Variants in DLX4 observed in about 807,000 individuals in gnomAD.
DLX4 encodes the protein distal-less homeobox 4.
A neutral mutation model predicts 17.1 loss-of-function variants in DLX4; 13 were observed. The observed-to-expected ratio is 0.76, with a 90% confidence interval of 0.49 to 1.21. The LOEUF is 1.21. DLX4 is among the 50% of genes most tolerant of loss of function. DLX4 has a pLI of 0.00. For missense variants in DLX4, 297 were observed against 301.4 expected (o/e 0.99, Z 0.11); for synonymous variants, 129 against 140.3 (o/e 0.92, Z 0.57).
Position 49,969,640 on chromosome 17 carries a change from C to A in DLX4, c.172C>A (p.Pro58Thr), listed in dbSNP as rs1399847880. The A allele has an allele frequency of 1.2e-6, 2 of 1,612,178 alleles. No individual in the cohort carries two copies. The highest frequency in any genetic ancestry group is 1.7e-6 in the Non-Finnish European group (2 of 1,179,996). ...SRPYGHLLSY[P>T]YTEPANPGDS... ...GCCGTATGGCCACCTCCTGTCTTAC[C>A]CCTACACCGAGCCAGCGAACCCCGG... is the stretch of plus-strand genomic sequence containing the variant. Residue 58 changes from proline to threonine, a missense_variant, in exon 1 of 3, where the codon CCC becomes ACC. Transcript: ENST00000240306.
intron 2 of DLX4, 185 bp downstream of exon 2, chr17:49,973,454 A>T: frequency 9.3e-7 from 1 of 1,076,694 alleles, no homozygotes; most frequent in Non-Finnish European, 1.3e-6. Flanking sequence ...GTGTGCATGT[A>T]TGTGCGGGTG....
chr17:49,974,082 A>G lies in DLX4; in HGVS notation c.*139A>G, dbSNP rs547446297. The G allele has an allele frequency of 2.7e-5, 32 of 1,199,022 alleles. No individual in the cohort carries two copies. The highest frequency in any genetic ancestry group is 3.3e-5 in the Admixed American group (1 of 30,290). 74.3% of individuals were successfully genotyped at this position (1,199,022 alleles called of 1,614,324 possible). ...GGAGGACAAGCAGTTAGAGGAGAAA[A>G]AGGAATGGAGCAGAGCCTGTACCCC... On this transcript the variant is annotated 3_prime_UTR_variant, in exon 3 of 3. Transcript: ENST00000240306.
intron 1 of DLX4, 22 bp from the exon 2 acceptor site, chr17:49,973,051 A>C (rs1905573895): frequency 1.2e-6 from 2 of 1,613,218 alleles, no homozygotes; most frequent in Admixed American, 1.7e-5. Context: ...CGCCCCCTAC[A>C]CCGTGTTGTG....
rs200991862 is a variant in DLX4 at position 49,969,500 on chromosome 17, G to C, written c.32G>C (p.Arg11Pro). 6.2e-7 allele frequency: 1 copy of C among 1,604,050 alleles called. No individual in the cohort carries two copies. Among genetic ancestry groups the C allele is most frequent in the African/African-American group, 1.3e-5 (1 of 74,816 alleles). Reference sequence around the variant, plus strand: ...TCTTTGCCCTGCCCCCTCCCCGGCCGGGACGCCTCCAAAGCTGTCTTCCCA... The same window carrying C: ...TCTTTGCCCTGCCCCCTCCCCGGCCCGGACGCCTCCAAAGCTGTCTTCCCA... MTSLPCPLPG[R>P]DASKAVFPDL... Residue 11 changes from arginine to proline, a missense_variant, in exon 1 of 3, where the codon CGG becomes CCG. Physicochemically the swap from Arg to Pro is moderately radical, Grantham distance 103. Transcript: ENST00000240306.
In DLX4 at chr17:49,969,806, C is replaced by T. The variant is rs1489819645; in HGVS notation, c.283+55C>T. On this transcript the variant is annotated intron_variant, in intron 1 of 2. Coordinates refer to ENST00000240306, the MANE Select transcript of DLX4 (RefSeq NM_138281.3). ...CTCTGGGGTTCGGCTCCTGTGCGCC[C>T]CTAAACTTCTCCCTCGCCTGGTTGG... 5 of 1,463,492 alleles carry T rather than the reference C, an allele frequency of 3.4e-6. No individual in the cohort carries two copies. The Admixed American group carries it at 1.1e-4, about 33-fold the overall frequency. The allele number at this position is 1,463,492 out of a possible 1,614,324, so 90.7% of individuals were successfully genotyped here. A position where few individuals can be genotyped will look rare whatever the true frequency, so the allele number is the denominator to read the frequency against.
At chr17:49,968,633 C>G (rs1276960157), upstream of DLX4, among the ~76,000 whole-genome samples, 1 of 152,042 alleles carries the variant, frequency 6.6e-6, no homozygotes, top group African/African-American at 2.4e-5. Flanking sequence ...GCGTGCCAGG[C>G]CCAGGGCGCC....
chr17:49,972,862 G>T lies in DLX4; in HGVS notation c.284-211G>T. Reference sequence around the variant, plus strand: ...GGGAGCTCCCTGGGAGCAGAACTGCGTCTTGTATCACCTGGCGCGGTGAAC... The same window carrying T: ...GGGAGCTCCCTGGGAGCAGAACTGCTTCTTGTATCACCTGGCGCGGTGAAC... On this transcript the variant is annotated intron_variant, in intron 1 of 2. Coordinates refer to ENST00000240306, the MANE Select transcript of DLX4 (RefSeq NM_138281.3). This position sits in a 1 kb window ranked among gnomAD's most constrained non-coding sequence, Gnocchi z 5.4. 1.4e-6 allele frequency: 2 copies of T among 1,443,508 alleles called. No individual in the cohort carries two copies. Among genetic ancestry groups the T allele is most frequent in the Non-Finnish European group, 1.8e-6 (2 of 1,095,618 alleles). 89.4% of individuals were successfully genotyped at this position (1,443,508 alleles called of 1,614,324 possible).
rs1249817942 is a variant in DLX4, at chr17:49,969,743, T to C, written c.275T>C (p.Leu92Pro). Residue 92 changes from leucine (L) to proline (P), a missense_variant, in exon 1 of 3, where the codon CTC becomes CCC. Transcript: ENST00000240306. ...GGACCTGCAGAGCACCCTCAGGAAC[T>C]CGAGGCAGGTAAGTTCGGCCGTGGA... ...LCGPAEHPQE[L>P]EADSEKPRLS... 1 of 1,593,782 alleles carries C rather than the reference T, an allele frequency of 6.3e-7. No homozygotes were observed. Among genetic ancestry groups the C allele is most frequent in the Non-Finnish European group, 8.5e-7 (1 of 1,176,492 alleles).
intron 1 of DLX4, 65 bp downstream of exon 1, chr17:49,969,816 T>C: frequency 8.4e-7 from 1 of 1,195,200 alleles, no homozygotes; most frequent in Non-Finnish European, 1.1e-6. Flanking sequence ...CCTAAACTTC[T>C]CCCTCGCCTG....
At position 49,972,708 on chromosome 17, in the gene DLX4, T is replaced by G; in HGVS notation, c.284-365T>G. The G allele has an allele frequency of 7.4e-7, 1 of 1,345,484 alleles. No individual in the cohort carries two copies. The highest frequency in any genetic ancestry group is 9.5e-7 in the Non-Finnish European group (1 of 1,052,272). The allele number at this position is 1,345,484 out of a possible 1,614,324, so 83.3% of individuals were successfully genotyped here. On this transcript the variant is annotated intron_variant, in intron 1 of 2. Transcript: ENST00000240306. The surrounding 1 kb of genome is among the most constrained non-coding windows in gnomAD (Gnocchi z 5.4). Reference sequence around the variant, plus strand: ...TCGGCTCAGCCCTGGACCTAGCCTTTCTGCCCCGCCCTACCCCAAGCTGGC... The same window carrying G: ...TCGGCTCAGCCCTGGACCTAGCCTTGCTGCCCCGCCCTACCCCAAGCTGGC...
Position 49,969,692 on chromosome 17 carries a change from C to G in DLX4, c.224C>G (p.Pro75Arg), listed in dbSNP as rs1363140696. ...GACTCCTACCTGTCCTGCCAGCAAC[C>G]CGCGGCGCTCTCTCAGCCCCTCTGC... ...PGDSYLSCQQPAALSQPLCGP... is the reference protein window; with the variant it reads ...PGDSYLSCQQRAALSQPLCGP... The change falls in exon 1 of 3, where the codon CCC becomes CGC. Residue 75 changes from proline (P) to arginine (R), a missense_variant. Transcript: ENST00000240306. 12 of 1,604,370 alleles carry G rather than the reference C, an allele frequency of 7.5e-6. No homozygotes were observed. Among genetic ancestry groups the G allele is most frequent in the Middle Eastern group, 1.7e-4 (1 of 6,060 alleles).
intron 1 of DLX4, 71 bp downstream of exon 1, chr17:49,969,822 G>C: frequency 1.6e-6 from 2 of 1,282,072 alleles, no homozygotes; most frequent in Admixed American, 5.8e-5. Context: ...CTTCTCCCTC[G>C]CCTGGTTGGA....
rs139954414 is a variant in DLX4 at position 49,973,776 on chromosome 17, G to A, written c.556G>A (p.Asp186Asn). 1.3e-6 allele frequency: 2 copies of A among 1,572,506 alleles called. No individual in the cohort carries two copies. The highest frequency in any genetic ancestry group is 3.7e-5 in the Admixed American group (2 of 53,768). The change falls in exon 3 of 3, where the codon GAC (aspartate) becomes AAC (asparagine). Residue 186 changes from aspartate (D) to asparagine (N), a missense_variant. Physicochemically the swap from Asp to Asn is conservative, Grantham distance 23. Coordinates refer to ENST00000240306, the MANE Select transcript of DLX4 (RefSeq NM_138281.3). The stretch of plus-strand genomic sequence containing the variant: ...GCAGAATTCTGGGGGGCAGGAAGGG[G>A]ACTTCCCTGGGAGGACCTTCTCTGT... ...LKQNSGGQEGDFPGRTFSVSP... is the reference protein window; with the variant it reads ...LKQNSGGQEGNFPGRTFSVSP...
chr17:49,970,143 C>A (rs959502472), intron 1 of DLX4, among the ~76,000 whole-genome samples: 23 of 152,158 alleles, frequency 1.5e-4, no homozygotes, highest in Non-Finnish European at 1.5e-5. Flanking sequence ...TCCCTTCCTG[C>A]CCCATTGTCG....
In DLX4 at chr17:49,973,921, T is replaced by C. The variant is rs754823919; in HGVS notation, c.701T>C (p.Leu234Pro). The C allele has an allele frequency of 1.2e-6, 2 of 1,606,230 alleles. No individual in the cohort carries two copies. The highest frequency in any genetic ancestry group is 1.7e-6 in the Non-Finnish European group (2 of 1,176,076). ...TATCAGCATCACTCCTCAGATGTCC[T>C]GGCTTCGCCTCAGATGATGTGAATC... The part of the protein sequence containing the change: ...AWYQHHSSDV[L>P]ASPQMM Residue 234 changes from leucine (L) to proline (P), a missense_variant, in exon 3 of 3, where the codon CTG (leucine) becomes CCG (proline). Coordinates refer to ENST00000240306, the MANE Select transcript of DLX4 (RefSeq NM_138281.3).
rs1255754183 is a variant in DLX4 at position 49,972,757 on chromosome 17, G to C, written c.284-316G>C. 2 of 1,378,260 alleles carry C rather than the reference G, an allele frequency of 1.5e-6. No individual in the cohort carries two copies. The highest frequency in any genetic ancestry group is 1.5e-5 in the African/African-American group (1 of 68,080). 85.4% of individuals were successfully genotyped at this position (1,378,260 alleles called of 1,614,324 possible). A position where few individuals can be genotyped will look rare whatever the true frequency, so the allele number is the denominator to read the frequency against. Reference sequence around the variant, plus strand: ...GCGCCACCGCCCGTGGCTGAACTCCGACCTCCCACCGCAGGCGCCGCGGTA... The same window carrying C: ...GCGCCACCGCCCGTGGCTGAACTCCCACCTCCCACCGCAGGCGCCGCGGTA... On this transcript the variant is annotated intron_variant, in intron 1 of 2. Transcript: ENST00000240306. This position sits in a 1 kb window ranked among gnomAD's most constrained non-coding sequence, Gnocchi z 5.4.
Position 49,973,789 on chromosome 17 carries a change from G to A in DLX4, c.569G>A (p.Arg190Lys), listed in dbSNP as rs1905613791. The A allele has an allele frequency of 6.3e-7, 1 of 1,593,448 alleles. No individual in the cohort carries two copies. The highest frequency in any genetic ancestry group is 1.3e-5 in the African/African-American group (1 of 74,242). The change falls in exon 3 of 3, where the codon AGG becomes AAG. Residue 190 changes from arginine (R) to lysine (K), a missense_variant. Arg to Lys is a conservative substitution (Grantham distance 26, BLOSUM62 2). Transcript: ENST00000240306. ...SGGQEGDFPG[R>K]TFSVSPCSPP... ...GGGCAGGAAGGGGACTTCCCTGGGA[G>A]GACCTTCTCTGTGTCTCCCTGCTCC...
rs1470302737 is a variant in DLX4, at chr17:49,970,410, C to T, written c.283+659C>T. On this transcript the variant is annotated intron_variant, in intron 1 of 2. Coordinates refer to ENST00000240306, the MANE Select transcript of DLX4 (RefSeq NM_138281.3). ...AGGCTGGTAGGAAAGTCGCTCATCT[C>T]TCCCTGACTACCTCAGCCTTCCAGC... 3.3e-5 allele frequency among the ~76,000 whole-genome samples: 5 copies of T among 152,358 alleles called. No homozygotes were observed. In the South Asian group the frequency reaches 1.0e-3, roughly 32 times the overall value.
intron 1 of DLX4, among the ~76,000 whole-genome samples, chr17:49,971,644 C>T (rs1905509663): frequency 6.6e-6 from 1 of 152,170 alleles, no homozygotes; most frequent in South Asian, 2.1e-4. Context: ...CTCTGCGTCC[C>T]CGCTCGAATT....
Sources: allele counts gnomAD v4.1 joint callset (sites outside exome capture counted in the v4.1 genomes callset), GRCh38; gene constraint gnomAD v4.1.1; non-coding constraint Gnocchi (gnomAD v3.1); transcripts MANE v1.5; gene names NCBI Gene and HGNC (gene_info 2026-07-23, HGNC 2026-07-21).